Variants in MGAT4C observed in about 807,000 individuals in gnomAD.
MGAT4C encodes MGAT4 family member C.
In MGAT4C, 19 loss-of-function variants were observed where a neutral mutation model predicts 40.1. The observed-to-expected ratio is 0.47, with a 90% CI of 0.33 to 0.70. The LOEUF is 0.70. Ranked by LOEUF, MGAT4C falls within the 30% of genes least tolerant of loss-of-function variation. The pLI is 0.02. For synonymous variants in MGAT4C, 181 were observed against 187.1 expected (o/e 0.97, Z 0.27); for missense variants, 491 against 563.2 (o/e 0.87, Z 1.30).
At position 86,380,601 on chromosome 12, in the gene MGAT4C, A is replaced by T. The variant is rs777887358; in HGVS notation, c.-119-46474T>A. 2.3e-4 allele frequency among the ~76,000 whole-genome samples: 35 copies of T among 152,270 alleles called. 1 individual carries two copies. The highest frequency in any genetic ancestry group is 1.3e-4 in the Admixed American group (2 of 15,292). On this transcript the variant is annotated intron_variant, in intron 3 of 7. Transcript: ENST00000548651. The stretch of plus-strand genomic sequence containing the variant: ...AAGAATGAATACGTGAAAAATCATG[A>T]TTAGATCAAAATTCAACATTACACA...
intron 3 of MGAT4C, among the ~76,000 whole-genome samples, chr12:86,374,867 C>T (rs1476537291): frequency 6.6e-6 from 1 of 152,084 alleles, no homozygotes; most frequent in Non-Finnish European, 1.5e-5. Context: ...GTAAGGCCTG[C>T]TTTGCTGGTG....
intron 2 of MGAT4C, among the ~76,000 whole-genome samples, chr12:86,033,692 C>T (rs1223315167): frequency 6.7e-6 from 1 of 149,498 alleles, no homozygotes; most frequent in African/African-American, 2.4e-5. Context: ...ATCATATTCT[C>T]TGCAAAAACG....
At chr12:86,288,501 T>C (rs1488197268) in intron 4 of MGAT4C, among the ~76,000 whole-genome samples, 20 of 152,334 alleles carry the variant, frequency 1.3e-4, no homozygotes. Context: ...TAAGTTTTAA[T>C]CCATCTTGAG....
At chr12:86,072,678 G>A (rs1434036114) in intron 1 of MGAT4C, among the ~76,000 whole-genome samples, 2 of 152,106 alleles carry the variant, frequency 1.3e-5, no homozygotes. Context: ...GAAACAGAGT[G>A]GAGGAGGATG....
chr12:86,068,259 C>A (rs111495091), intron 1 of MGAT4C: 3 of 152,084 alleles, frequency 2.0e-5, no homozygotes, highest in Non-Finnish European at 2.9e-5. Flanking sequence ...GCCTTTTTGG[C>A]AGATGTTCTA....
intron 4 of MGAT4C, among the ~76,000 whole-genome samples, chr12:86,278,029 A>C (rs1052077779): frequency 6.6e-6 from 1 of 152,118 alleles, no homozygotes; most frequent in Non-Finnish European, 1.5e-5. Context: ...AGGGAACATG[A>C]AATATATTTC....
chr12:86,033,001 G>A, intron 2 of MGAT4C, among the ~76,000 whole-genome samples: 1 of 149,556 alleles, frequency 6.7e-6, no homozygotes, highest in East Asian at 1.9e-4. Flanking sequence ...AGTTATCCCA[G>A]AACCATTTGT....
At chr12:86,446,796 T>C (rs1265015146) in intron 2 of MGAT4C, among the ~76,000 whole-genome samples, 1 of 149,286 alleles carries the variant, frequency 6.7e-6, no homozygotes, top group Non-Finnish European at 1.5e-5. Context: ...CTGCATACTA[T>C]TGCCATGGCT....
At chr12:86,501,399 C>T (rs962722117) in intron 2 of MGAT4C, among the ~76,000 whole-genome samples, 20 of 151,934 alleles carry the variant, frequency 1.3e-4, no homozygotes, top group African/African-American at 3.9e-4. Flanking sequence ...CACAGTTAAA[C>T]GCGTACCATG....
chr12:86,474,006 T>C (rs1164679923), intron 2 of MGAT4C, among the ~76,000 whole-genome samples: 1 of 152,058 alleles, frequency 6.6e-6, no homozygotes, highest in Non-Finnish European at 1.5e-5. Flanking sequence ...TATAATGCCA[T>C]ACTCCCCTCT....
intron 1 of MGAT4C, among the ~76,000 whole-genome samples, chr12:86,196,519 G>A (rs562564122): frequency 4.4e-4 from 67 of 152,322 alleles, no homozygotes; most frequent in African/African-American, 1.4e-3. Flanking sequence ...TATGTGATGG[G>A]AGTAGCAACT....
At chr12:86,031,662 A>C (rs898550035) in intron 2 of MGAT4C, among the ~76,000 whole-genome samples, 1 of 151,892 alleles carries the variant, frequency 6.6e-6, no homozygotes, top group African/African-American at 2.4e-5. Context: ...TGGTCTACAC[A>C]GTATGCAAAA....
At chr12:86,137,833 C>T (rs1379699885) in intron 1 of MGAT4C, among the ~76,000 whole-genome samples, 3 of 152,122 alleles carry the variant, frequency 2.0e-5, no homozygotes, top group Non-Finnish European at 2.9e-5. Context: ...ACAGACAGTA[C>T]GTGGGAGCCA....
intron 3 of MGAT4C, among the ~76,000 whole-genome samples, chr12:86,352,338 A>G (rs1195456498): frequency 6.6e-6 from 1 of 152,098 alleles, no homozygotes; most frequent in African/African-American, 2.4e-5. Context: ...AATTAGTTCA[A>G]TTATTTAGTA....
chr12:86,763,174 G>A (rs1951436085), intron 1 of MGAT4C, among the ~76,000 whole-genome samples: 2 of 152,136 alleles, frequency 1.3e-5, no homozygotes, highest in East Asian at 3.9e-4. Context: ...TGTTAAGTGT[G>A]ACTCAAAACA....
intron 3 of MGAT4C, among the ~76,000 whole-genome samples, chr12:85,985,150 A>C (rs1305125774): frequency 6.6e-6 from 1 of 152,214 alleles, no homozygotes; most frequent in Non-Finnish European, 1.5e-5. Context: ...CTGTAGAGAA[A>C]GTAAATGGAT....
chr12:86,546,992 T>C (rs975418480), intron 2 of MGAT4C, among the ~76,000 whole-genome samples: 2 of 151,940 alleles, frequency 1.3e-5, no homozygotes, highest in African/African-American at 4.8e-5. Context: ...AAAAAGAATT[T>C]ATTTATTATT....
At chr12:86,497,643 A>G (rs1364514333) in intron 2 of MGAT4C, among the ~76,000 whole-genome samples, 1 of 151,616 alleles carries the variant, frequency 6.6e-6, no homozygotes, top group Non-Finnish European at 1.5e-5. Context: ...ATAATACCAG[A>G]TAACTTTATG....
chr12:86,363,742 C>T (rs1955532410), intron 3 of MGAT4C, among the ~76,000 whole-genome samples: 1 of 151,594 alleles, frequency 6.6e-6, no homozygotes, highest in Non-Finnish European at 1.5e-5. Context: ...AAGAAAGGAA[C>T]AGAGGGAAAG....
Sources: gnomAD v4.1 joint callset for allele counts (sites outside exome capture counted in the v4.1 genomes callset) on GRCh38, gnomAD v4.1.1 for gene constraint, MANE v1.5 for transcripts, NCBI Gene and HGNC (gene_info 2026-07-23, HGNC 2026-07-21) for gene names.